The following PCYT2 variants were observed in gnomAD, a reference collection of about 807,000 sequenced individuals.
PCYT2 encodes the protein phosphate cytidylyltransferase 2, ethanolamine, also known as ethanolamine-phosphate cytidylyltransferase.
Under a neutral mutation model 50.0 loss-of-function variants are expected in PCYT2, and 33 were observed. The observed-to-expected ratio is 0.66, with a 90% CI of 0.50 to 0.88. The LOEUF (loss-of-function observed/expected upper bound fraction) is 0.88, where lower values mean the gene tolerates loss of function less well. Ranked by LOEUF, PCYT2 falls within the 40% of genes least tolerant of loss-of-function variation. PCYT2 has a pLI of 0.00. For missense variants in PCYT2, 430 were observed against 519.7 expected (o/e 0.83, Z 1.68); for synonymous variants, 240 against 203.7 (o/e 1.18, Z -1.52).
In PCYT2 at chr17:81,902,528, T is replaced by A. The variant is rs1192630652; in HGVS notation, c.*2305A>T. ...CTGCACCCCAGGCTGCGGAGCCTCG[T>A]GAGTCCGGCGTGCCGGGGACTGATG... On this transcript the variant is annotated 3_prime_UTR_variant, in exon 13 of 13. Transcript: ENST00000538936. 6.9e-7 allele frequency: 1 copy of A among 1,458,398 alleles called. No homozygotes were observed. Among genetic ancestry groups the A allele is most frequent in the Non-Finnish European group, 9.0e-7 (1 of 1,112,370 alleles). 90.3% of individuals were successfully genotyped at this position (1,458,398 alleles called of 1,614,324 possible). A position where few individuals can be genotyped will look rare whatever the true frequency, so the allele number is the denominator to read the frequency against.
intron 2 of PCYT2, 50 bp downstream of exon 2, chr17:81,909,464 C>T (rs1046757212): frequency 6.4e-7 from 1 of 1,560,818 alleles, no homozygotes; most frequent in Non-Finnish European, 8.8e-7. Flanking sequence ...ACAGTCGCAA[C>T]CCACAGGAGG....
Position 81,909,565 on chromosome 17 carries a change from G to A in PCYT2, c.127C>T (p.Arg43Cys), listed in dbSNP as rs776766776. The change falls in exon 2 of 13, where the codon CGC becomes TGC. Residue 43 changes from arginine to cysteine, a missense_variant. Around this residue, in one of 4 missense-constraint regions of PCYT2, gnomAD observed 117 missense variants for 163.9 expected, o/e 0.71. Transcript: ENST00000538936. ...TAGTCACCCATGGCCCGTGCCTGGCGCAGCTGGTTGGAGTGGCCGTAATGC... is the reference window on the plus strand; with the variant it reads ...TAGTCACCCATGGCCCGTGCCTGGCACAGCTGGTTGGAGTGGCCGTAATGC... ...MVHYGHSNQLRQARAMGDYLI... is the reference protein window; with the variant it reads ...MVHYGHSNQLCQARAMGDYLI... 9.3e-6 allele frequency: 15 copies of A among 1,613,650 alleles called. No individual in the cohort carries two copies. In the Admixed American group the frequency reaches 1.0e-4, roughly 11 times the overall value.
chr17:81,907,082 G>GCA, intron 6 of PCYT2, 184 bp from the exon 7 acceptor site: 1 of 1,061,112 alleles, frequency 9.4e-7, no homozygotes. Context: ...AACCACAGCA[G>GCA]GCACCGCAGC....
intron 1 of PCYT2, among the ~76,000 whole-genome samples, 195 bp from the exon 2 acceptor site, chr17:81,909,797 C>T (rs553105207): frequency 2.6e-5 from 4 of 152,268 alleles, no homozygotes; most frequent in South Asian, 2.1e-4. Flanking sequence ...CTGGGCCTGA[C>T]GGTGGGACCC....
Position 81,902,920 on chromosome 17 carries a change from A to T in PCYT2, c.*1913T>A. ...GCGGCCTCGGAGTGAGGGGTGCTGG[A>T]GGACTGGCAGCCAGGCCACGAGGGG... On this transcript the variant is annotated 3_prime_UTR_variant, in exon 13 of 13. Coordinates refer to ENST00000538936, the MANE Select transcript of PCYT2 (RefSeq NM_002861.5). 1.7e-6 allele frequency: 1 copy of T among 584,694 alleles called. No individual in the cohort carries two copies. Among genetic ancestry groups the T allele is most frequent in the South Asian group, 2.6e-5 (1 of 38,818 alleles). The allele number at this position is 584,694 out of a possible 1,614,324, so 36.2% of individuals were successfully genotyped here. A position where few individuals can be genotyped will look rare whatever the true frequency, so the allele number is the denominator to read the frequency against.
intron 3 of PCYT2, 71 bp downstream of exon 3, chr17:81,908,805 G>T: frequency 6.8e-7 from 1 of 1,470,706 alleles, no homozygotes; most frequent in Non-Finnish European, 9.4e-7. Context: ...GTTCCCGGAT[G>T]TCCCACCAGC....
At chr17:81,911,062 TAGACGGGGTCGCCCACGGCAGGGCGCGG>T in intron 1 of PCYT2, 177 bp downstream of exon 1, 1 of 1,001,258 alleles carries the variant, frequency 1.0e-6, no homozygotes, top group East Asian at 1.1e-4. Flanking sequence ...CCGCCAGAGG[TAGACGGGGTCGCCCACGGCAGGGCGCGG>T]AGCCTCTGCA....
intron 4 of PCYT2, among the ~76,000 whole-genome samples, chr17:81,908,091 C>T (rs888394582): frequency 6.6e-6 from 1 of 152,188 alleles, no homozygotes; most frequent in African/African-American, 2.4e-5. Context: ...GAAAAGGACC[C>T]TTGCTGGGGC....
intron 1 of PCYT2, among the ~76,000 whole-genome samples, chr17:81,910,032 T>G (rs2040492967): frequency 6.6e-6 from 1 of 152,132 alleles, no homozygotes; most frequent in East Asian, 1.9e-4. Context: ...AAGCAAACAG[T>G]CCCTGGGGCT....
Position 81,904,550 on chromosome 17 carries a change from G to A in PCYT2, c.*283C>T, listed in dbSNP as rs1007860219. On this transcript the variant is annotated 3_prime_UTR_variant, in exon 13 of 13. Transcript: ENST00000538936. ...TGGTGGGGGCATCCGGGGACCAGGT[G>A]GGGGCGCACGCAGGAGCGGTGCGTT... is the stretch of plus-strand genomic sequence containing the variant. 1 of 424,098 alleles carries A rather than the reference G, an allele frequency of 2.4e-6. No homozygotes were observed. Among genetic ancestry groups the A allele is most frequent in the East Asian group, 4.0e-5 (1 of 24,716 alleles). The allele number at this position is 424,098 out of a possible 1,614,324, so 26.3% of individuals were successfully genotyped here. A position where few individuals can be genotyped will look rare whatever the true frequency, so the allele number is the denominator to read the frequency against.
intron 1 of PCYT2, among the ~76,000 whole-genome samples, chr17:81,910,461 T>G (rs2040528519): frequency 6.6e-6 from 1 of 152,012 alleles, no homozygotes; most frequent in Non-Finnish European, 1.5e-5. Context: ...CTGGGTAAAA[T>G]CTGGCGGGCC....
chr17:81,910,897 C>T, intron 1 of PCYT2: 1 of 987,760 alleles, frequency 1.0e-6, no homozygotes, highest in Non-Finnish European at 1.2e-6. Flanking sequence ...CACCCGATGC[C>T]CACCTACAGG....
rs1598310136 is a variant in PCYT2, at chr17:81,902,682, C to A, written c.*2151G>T. On this transcript the variant is annotated 3_prime_UTR_variant, in exon 13 of 13. Coordinates refer to ENST00000538936, the MANE Select transcript of PCYT2 (RefSeq NM_002861.5). ...GGTGCGAGCGGCTCCCCGACGGCCG[C>A]GGGACCTACCAGTGCAAGGCGAACG... is the stretch of plus-strand genomic sequence containing the variant. 6.2e-6 allele frequency: 10 copies of A among 1,608,276 alleles called. No individual in the cohort carries two copies. In the East Asian group the frequency reaches 2.2e-4, roughly 36 times the overall value.
In PCYT2 at chr17:81,902,168, C is replaced by G. The variant is rs937805052; in HGVS notation, c.*2665G>C. 27 of 1,062,098 alleles carry G rather than the reference C, an allele frequency of 2.5e-5. No individual in the cohort carries two copies. The highest frequency in any genetic ancestry group is 2.8e-5 in the Non-Finnish European group (24 of 845,990). The allele number at this position is 1,062,098 out of a possible 1,614,324, so 65.8% of individuals were successfully genotyped here. A position where few individuals can be genotyped will look rare whatever the true frequency, so the allele number is the denominator to read the frequency against. ...GCTGCACCCCAGCCCGCCCGCCGCC[C>G]CTCCCGGCCCTCCGCAGCCTCGGCC... On this transcript the variant is annotated 3_prime_UTR_variant, in exon 13 of 13. Transcript: ENST00000538936.
chr17:81,905,592 ACAGC>A, intron 10 of PCYT2, 74 bp downstream of exon 10: 3 of 1,508,216 alleles, frequency 2.0e-6, no homozygotes, highest in Non-Finnish European at 2.8e-6. Flanking sequence ...CTAGGAGCCC[ACAGC>A]CAGCCTGCAT....
In PCYT2 at chr17:81,905,156, T is replaced by TGGG. The variant is rs2040183830; in HGVS notation, c.970-5_970-3dup. The TGGG allele has an allele frequency of 1.2e-6, 2 of 1,610,916 alleles. No individual in the cohort carries two copies. Among genetic ancestry groups the TGGG allele is most frequent in the South Asian group, 1.1e-5 (1 of 90,644 alleles). Reference sequence around the variant, plus strand: ...GAAGATGCCCCTTCTCTTGGGCTCCTGGGGGTCCAGAGAGGAGGAGCGGGA... The same window carrying TGGG: ...GAAGATGCCCCTTCTCTTGGGCTCCTGGGGGGGGTCCAGAGAGGAGGAGCGGGA... On this transcript the variant is annotated splice_polypyrimidine_tract_variant and splice_region_variant and intron_variant, in intron 11 of 12. Transcript: ENST00000538936.
At chr17:81,907,302 G>A in intron 6 of PCYT2, 5 of 1,477,960 alleles carry the variant, frequency 3.4e-6, no homozygotes, top group Non-Finnish European at 4.5e-6. Flanking sequence ...GAGGCCACCT[G>A]TCCACAGGCA....
At chr17:81,908,472 C>A in intron 4 of PCYT2, 96 bp downstream of exon 4, 2 of 909,342 alleles carry the variant, frequency 2.2e-6, no homozygotes, top group Non-Finnish European at 3.5e-6. Context: ...GGCCTGGACG[C>A]TCCCCTCACG....
chr17:81,905,580 G>A (rs925854695), intron 10 of PCYT2, 90 bp downstream of exon 10: 22 of 1,448,846 alleles, frequency 1.5e-5, no homozygotes, highest in African/African-American at 8.4e-5. Context: ...CCTGGGCCCC[G>A]CCTAGGAGCC....
Sources: gnomAD v4.1 joint callset for allele counts (sites outside exome capture counted in the v4.1 genomes callset) on GRCh38, gnomAD v4.1.1 for gene constraint, gnomAD v4.1.1 regional missense constraint, MANE v1.5 for transcripts, NCBI Gene and HGNC (gene_info 2026-07-23, HGNC 2026-07-21) for gene names.